The following MMD2 variants were observed in gnomAD, a reference collection of about 807,000 sequenced individuals.
MMD2 encodes the protein monocyte to macrophage differentiation associated 2, also known as monocyte to macrophage differentiation factor 2.
Under a neutral mutation model 33.5 loss-of-function variants are expected in MMD2, and 30 were observed. That is an observed-to-expected ratio of 0.90 (90% CI 0.67 to 1.22). The LOEUF is 1.22. MMD2 is among the 50% of genes most tolerant of loss of function. MMD2 has a pLI of 0.00. For synonymous variants in MMD2, 129 were observed against 123.0 expected, an observed-to-expected ratio of 1.05 and a Z score of -0.32; for missense variants, 364 against 325.4, an observed-to-expected ratio of 1.12 and a Z score of -0.91.
chr7:4,895,536 T>C, the MMD2 span, among the ~76,000 whole-genome samples: 1 of 150,642 alleles, frequency 6.6e-6, no homozygotes, highest in African/African-American at 2.4e-5. Context: ...GGCATTCTTT[T>C]TTTTTCTTTT....
At chr7:4,933,463 C>T (rs561532178) in intron 1 of MMD2, among the ~76,000 whole-genome samples, 4 of 152,122 alleles carry the variant, frequency 2.6e-5, no homozygotes, top group African/African-American at 4.8e-5. Flanking sequence ...CTCGACTCTT[C>T]CATCCCTGTC....
rs1016269781 is a variant in MMD2, at chr7:4,912,888, G to C, written c.366-1642C>G. ...CTGGCTAATTTTTGTATTTGTAGTA[G>C]AGATGGGGTTTCACCATGTTGGCCA... On this transcript the variant is annotated intron_variant, in intron 4 of 6. Coordinates refer to ENST00000401401, the MANE Select transcript of MMD2 (RefSeq NM_198403.4). Among the ~76,000 whole-genome samples, 20 of 152,010 alleles carry C rather than the reference G, an allele frequency of 1.3e-4. 1 individual carries two copies. The highest frequency in any genetic ancestry group is 4.6e-4 in the African/African-American group (19 of 41,392).
At chr7:4,907,713 C>T in intron 6 of MMD2, 114 bp from the exon 7 acceptor site, 1 of 927,626 alleles carries the variant, frequency 1.1e-6, no homozygotes, top group South Asian at 1.5e-5. Context: ...CAAACCAGCC[C>T]AGACTCCCAG....
At chr7:4,901,822 G>A (rs766814212), downstream of MMD2, among the ~76,000 whole-genome samples, 1 of 152,248 alleles carries the variant, frequency 6.6e-6, no homozygotes, top group Non-Finnish European at 1.5e-5. Flanking sequence ...TAGCATTTGC[G>A]ACGACCAATT....
At position 4,942,284 on chromosome 7, in the gene MMD2, T is replaced by TGGC. The variant is rs1554273047; in HGVS notation, c.47+16686_47+16687insGCC. On this transcript the variant is annotated intron_variant, in intron 1 of 6. Transcript: ENST00000401401. ...TTTATTTTTATTTTTTCTGTAGAGA[T>TGGC]GGGGGGGGTCTTGCCATGTTGCCCA... 1.1e-4 allele frequency among the ~76,000 whole-genome samples: 16 copies of TGGC among 149,060 alleles called. 1 individual carries two copies. Among genetic ancestry groups the TGGC allele is most frequent in the African/African-American group, 3.5e-4 (14 of 39,490 alleles).
chr7:4,919,261 T>C (rs1785215244), intron 3 of MMD2, among the ~76,000 whole-genome samples: 1 of 152,130 alleles, frequency 6.6e-6, no homozygotes, highest in Non-Finnish European at 1.5e-5. Flanking sequence ...GCTTTTCTCT[T>C]GGTCCTCTCA....
At chr7:4,943,946 T>C (rs954032024) in intron 1 of MMD2, among the ~76,000 whole-genome samples, 3 of 151,178 alleles carry the variant, frequency 2.0e-5, no homozygotes, top group Non-Finnish European at 2.9e-5. Flanking sequence ...GGACTATAGG[T>C]GCACGCCACC....
chr7:4,924,931 TTTTG>T (rs748804212), intron 2 of MMD2, among the ~76,000 whole-genome samples: 41 of 152,000 alleles, frequency 2.7e-4, no homozygotes, highest in Non-Finnish European at 4.6e-4. Flanking sequence ...GAAGGTTCTT[TTTTG>T]TTTGTTTGTT....
In MMD2 at chr7:4,911,229, A is replaced by C; in HGVS notation, c.383T>G (p.Leu128Arg). 1 of 1,594,074 alleles carries C rather than the reference A, an allele frequency of 6.3e-7. No homozygotes were observed. Among genetic ancestry groups the C allele is most frequent in the Non-Finnish European group, 8.5e-7 (1 of 1,170,842 alleles). The change falls in exon 5 of 7, where the codon CTG becomes CGG. Residue 128 changes from leucine (L) to arginine (R), a missense_variant. Physicochemically the swap from Leu to Arg is moderately radical, Grantham distance 102. Coordinates refer to ENST00000401401, the MANE Select transcript of MMD2 (RefSeq NM_198403.4). Reference sequence around the variant, plus strand: ...GCGCATGTGGGAGGCCCAGGGGCCCAGCTCCCGAAGGTTCAGCCTGGGAGA... The same window carrying C: ...GCGCATGTGGGAGGCCCAGGGGCCCCGCTCCCGAAGGTTCAGCCTGGGAGA... Reference protein sequence around the residue: ...SYAPWLNLRELGPWASHMRWL... With the variant: ...SYAPWLNLRERGPWASHMRWL...
At chr7:4,951,380 C>T (rs1583402934) in intron 1 of MMD2, among the ~76,000 whole-genome samples, 1 of 152,120 alleles carries the variant, frequency 6.6e-6, no homozygotes, top group African/African-American at 2.4e-5. Context: ...GGCTCAGTAT[C>T]CTCTCCACGC....
chr7:4,909,432 C>CAA (rs398066566), intron 6 of MMD2, among the ~76,000 whole-genome samples: 73,826 of 132,892 alleles, frequency 0.56, 20,137 homozygotes, highest in African/African-American at 0.71. Context: ...CCTGCCTCTA[C>CAA]AAAAAAAAAA....
intron 1 of MMD2, among the ~76,000 whole-genome samples, chr7:4,935,142 C>T (rs1293965165): frequency 1.3e-5 from 2 of 151,866 alleles, no homozygotes; most frequent in African/African-American, 2.4e-5. Context: ...GCCGAGATCG[C>T]GCTACCACAC....
At chr7:4,939,961 C>T (rs912147882) in intron 1 of MMD2, among the ~76,000 whole-genome samples, 1 of 152,088 alleles carries the variant, frequency 6.6e-6, no homozygotes, top group Non-Finnish European at 1.5e-5. Flanking sequence ...AGGCTGGTCT[C>T]GAACTCCTGA....
At chr7:4,926,119 A>G (rs1379865837) in intron 1 of MMD2, among the ~76,000 whole-genome samples, 6 of 141,886 alleles carry the variant, frequency 4.2e-5, no homozygotes, top group African/African-American at 2.7e-5. Flanking sequence ...TTTTTCTTAC[A>G]CGGGGTCTCA....
At chr7:4,915,321 A>G (rs1045974454) in intron 4 of MMD2, among the ~76,000 whole-genome samples, 1 of 151,658 alleles carries the variant, frequency 6.6e-6, no homozygotes, top group Admixed American at 6.6e-5. Flanking sequence ...ATTAAATATT[A>G]AGTAAATATA....
At chr7:4,916,689 C>CAGATGG in intron 3 of MMD2, among the ~76,000 whole-genome samples, 1 of 152,100 alleles carries the variant, frequency 6.6e-6, no homozygotes, top group South Asian at 2.1e-4. Flanking sequence ...GGCCATCCTC[C>CAGATGG]CCTACTTTAA....
chr7:4,926,801 G>A (rs1360449699), intron 1 of MMD2, among the ~76,000 whole-genome samples: 5 of 151,940 alleles, frequency 3.3e-5, no homozygotes, highest in Non-Finnish European at 4.4e-5. Context: ...CTGGAGTGCA[G>A]TGGTGCGATC....
At chr7:4,941,176 C>A (rs965328025) in intron 1 of MMD2, among the ~76,000 whole-genome samples, 3 of 152,162 alleles carry the variant, frequency 2.0e-5, no homozygotes. Context: ...CCAGCCCTAA[C>A]CATCAAGCCC....
rs554302249 is a variant in MMD2, at chr7:4,939,788, T to TGGA, written c.48-14259_48-14257dup. Among the ~76,000 whole-genome samples, 206 of 151,496 alleles carry TGGA rather than the reference T, an allele frequency of 1.4e-3. 2 individuals carry two copies. The highest frequency in any genetic ancestry group is 2.0e-3 in the Non-Finnish European group (137 of 67,904). ...TGGAGTCCTGCGCTGTTGCCCAGGCTGGAGTGCAGTGGCACAATCTCGGCT... is the reference window on the plus strand; with the variant it reads ...TGGAGTCCTGCGCTGTTGCCCAGGCTGGAGGAGTGCAGTGGCACAATCTCGGCT... On this transcript the variant is annotated intron_variant, in intron 1 of 6. Coordinates refer to ENST00000401401, the MANE Select transcript of MMD2 (RefSeq NM_198403.4).
Sources: allele counts gnomAD v4.1 joint callset (sites outside exome capture counted in the v4.1 genomes callset), GRCh38; gene constraint gnomAD v4.1.1; transcripts MANE v1.5; gene names NCBI Gene and HGNC (gene_info 2026-07-23, HGNC 2026-07-21).